BFSP1: variants seen among roughly 807,000 people sequenced by gnomAD.
BFSP1 encodes beaded filament structural protein 1.
BFSP1 carries 38 observed loss-of-function variants against 43.9 expected under a neutral mutation model. The observed-to-expected ratio is 0.87, with a 90% CI of 0.67 to 1.14. BFSP1 has a LOEUF of 1.14. Among genes scored for constraint, BFSP1 ranks in the 50% most tolerant of loss-of-function variants. The pLI is 0.00. For synonymous variants in BFSP1, 352 were observed against 354.8 expected, an observed-to-expected ratio of 0.99 and a Z score of 0.09; for missense variants, 850 against 875.1, an observed-to-expected ratio of 0.97 and a Z score of 0.36.
chr20:17,509,329 A>AGGG lies in BFSP1; in HGVS notation c.628-334_628-333insCCC, dbSNP rs2034021161. Among the ~76,000 whole-genome samples the AGGG allele has an allele frequency of 2.0e-5, 3 of 150,458 alleles. No homozygotes were observed. In the South Asian group the frequency reaches 6.3e-4, roughly 32 times the overall value. ...AAGCCAGAAAGAGAGCCCTCACCAGACACCAATTCTGCTGGCATCTTGATC... is the reference window on the plus strand; with the variant it reads ...AAGCCAGAAAGAGAGCCCTCACCAGAGGGCACCAATTCTGCTGGCATCTTGATC... On this transcript the variant is annotated intron_variant, in intron 4 of 7. Coordinates refer to ENST00000377873, the MANE Select transcript of BFSP1 (RefSeq NM_001195.5).
At chr20:17,558,636 G>C (rs1341672527) in intron 1 of BFSP1, 5 of 1,537,934 alleles carry the variant, frequency 3.3e-6, no homozygotes, top group Non-Finnish European at 4.4e-6. Flanking sequence ...AAAGCAAAAA[G>C]AAAAAATGCT....
chr20:17,511,110 C>T (rs977235062), intron 4 of BFSP1, among the ~76,000 whole-genome samples: 5 of 117,734 alleles, frequency 4.2e-5, no homozygotes, highest in Admixed American at 2.5e-4. Context: ...CCTCACTCAG[C>T]ACCAGTCTAT....
chr20:17,498,003 C>T (rs1475634278), intron 6 of BFSP1, among the ~76,000 whole-genome samples: 1 of 152,170 alleles, frequency 6.6e-6, no homozygotes, highest in East Asian at 1.9e-4. Context: ...GCCAGATACA[C>T]CGACCAGCAC....
At chr20:17,500,825 C>T (rs887944974) in intron 5 of BFSP1, among the ~76,000 whole-genome samples, 1 of 152,044 alleles carries the variant, frequency 6.6e-6, no homozygotes, top group Non-Finnish European at 1.5e-5. Context: ...AAGTAGAGGC[C>T]GAGATATCAT....
In BFSP1 at chr20:17,496,991, G is replaced by C; in HGVS notation, c.989C>G (p.Pro330Arg). ...LTSAFIETPIPLFTQSHGVSL... is the reference protein window; with the variant it reads ...LTSAFIETPIRLFTQSHGVSL... Reference sequence around the variant, plus strand: ...GACTCCATGGCTCTGGGTGAACAGGGGAATGGGAGTTTCAATGAAGGCAGA... The same window carrying C: ...GACTCCATGGCTCTGGGTGAACAGGCGAATGGGAGTTTCAATGAAGGCAGA... Residue 330 changes from proline to arginine, a missense_variant, in exon 7 of 8, where the codon CCC (proline) becomes CGC (arginine). Pro to Arg is a moderately radical substitution (Grantham distance 103). Transcript: ENST00000377873. 4.5e-6 allele frequency: 7 copies of C among 1,542,974 alleles called. No homozygotes were observed. The highest frequency in any genetic ancestry group is 6.1e-6 in the Non-Finnish European group (7 of 1,144,600).
chr20:17,517,838 C>T (rs1188391424), intron 2 of BFSP1, among the ~76,000 whole-genome samples: 1 of 152,168 alleles, frequency 6.6e-6, no homozygotes, highest in Non-Finnish European at 1.5e-5. Flanking sequence ...CCACATGCGG[C>T]TGGTGGCTGC....
intron 1 of BFSP1, among the ~76,000 whole-genome samples, chr20:17,545,283 G>GCTAC (rs2034781561): frequency 2.0e-5 from 3 of 152,214 alleles, no homozygotes; most frequent in Admixed American, 6.5e-5. Context: ...GCACAGGAGA[G>GCTAC]GTAGGGTATG....
chr20:17,526,254 C>T (rs1300214995), intron 1 of BFSP1, among the ~76,000 whole-genome samples: 1 of 139,724 alleles, frequency 7.2e-6, no homozygotes, highest in African/African-American at 3.0e-5. Flanking sequence ...TGTGAAATCA[C>T]CACCAACATC....
chr20:17,503,117 G>A (rs2033842477), intron 5 of BFSP1, among the ~76,000 whole-genome samples: 1 of 152,148 alleles, frequency 6.6e-6, no homozygotes, highest in South Asian at 2.1e-4. Context: ...TCCACATCCT[G>A]GGCTCAAGTG....
At chr20:17,550,319 T>G (rs2034874909) in intron 1 of BFSP1, among the ~76,000 whole-genome samples, 1 of 152,084 alleles carries the variant, frequency 6.6e-6, no homozygotes, top group African/African-American at 2.4e-5. Flanking sequence ...ATTTTTCTTA[T>G]ATAGGGTCTT....
intron 1 of BFSP1, among the ~76,000 whole-genome samples, chr20:17,539,206 G>A (rs1342281428): frequency 6.9e-6 from 1 of 145,846 alleles, no homozygotes; most frequent in Non-Finnish European, 1.5e-5. Context: ...AACCTCCTGG[G>A]CTCAAGCGAC....
In BFSP1 at chr20:17,494,763, T is replaced by A. The variant is rs2033589145; in HGVS notation, c.1309A>T (p.Ile437Leu). 6.2e-7 allele frequency: 1 copy of A among 1,614,206 alleles called. No homozygotes were observed. The highest frequency in any genetic ancestry group is 8.5e-7 in the Non-Finnish European group (1 of 1,180,032). Reference protein sequence around the residue: ...APEDVPDGGQISKGFGKLYRK... With the variant: ...APEDVPDGGQLSKGFGKLYRK... ...TATAGTTTCCCAAAGCCTTTGCTTA[T>A]CTGCCCTCCATCTGGCACATCCTCT... The change falls in exon 8 of 8, where the codon ATA (isoleucine) becomes TTA (leucine). Residue 437 changes from isoleucine (I) to leucine (L), a missense_variant. By Grantham distance (5) the Ile-to-Leu change is conservative. Coordinates refer to ENST00000377873, the MANE Select transcript of BFSP1 (RefSeq NM_001195.5).
intron 5 of BFSP1, among the ~76,000 whole-genome samples, chr20:17,508,663 G>A (rs971563047): frequency 6.6e-6 from 1 of 152,188 alleles, no homozygotes; most frequent in African/African-American, 2.4e-5. Context: ...AATGAGCGTG[G>A]CACCTGTGTC....
intron 5 of BFSP1, 67 bp from the exon 6 acceptor site, chr20:17,499,107 GA>G: frequency 2.1e-6 from 3 of 1,433,578 alleles, no homozygotes; most frequent in Non-Finnish European, 2.9e-6. Context: ...ACCTCACCAG[GA>G]AAAGGAACCT....
chr20:17,532,606 G>A (rs1004194123), upstream of BFSP1, among the ~76,000 whole-genome samples: 4 of 151,842 alleles, frequency 2.6e-5, no homozygotes, highest in African/African-American at 9.6e-5. Flanking sequence ...AGGATTTTGT[G>A]CCATTATGTT....
At chr20:17,566,310 G>C (rs1327754558) in intron 1 of BFSP1, among the ~76,000 whole-genome samples, 1 of 152,100 alleles carries the variant, frequency 6.6e-6, no homozygotes, top group Non-Finnish European at 1.5e-5. Context: ...CCTCGTTAAT[G>C]TATCATTTCT....
At chr20:17,522,461 C>T (rs1003335120) in intron 2 of BFSP1, among the ~76,000 whole-genome samples, 3 of 152,218 alleles carry the variant, frequency 2.0e-5, no homozygotes, top group African/African-American at 7.2e-5. Flanking sequence ...CCAAGGACCA[C>T]CTGCATCTTA....
At chr20:17,541,967 T>C (rs2034725624) in intron 1 of BFSP1, among the ~76,000 whole-genome samples, 1 of 151,968 alleles carries the variant, frequency 6.6e-6, no homozygotes, top group Admixed American at 6.6e-5. Flanking sequence ...GTAACCTGAG[T>C]TTTGGGGTGA....
At position 17,539,105 on chromosome 20, in the gene BFSP1, C is replaced by CTTCTTTTTT; in HGVS notation, c.3-14198_3-14197insAAAAAAGAA. 3.5e-3 allele frequency among the ~76,000 whole-genome samples: 222 copies of CTTCTTTTTT among 63,578 alleles called. 11 individuals carry two copies. The highest frequency in any genetic ancestry group is 0.012 in the Middle Eastern group (1 of 82). The allele number at this position is 63,578 out of a possible 152,430, so 41.7% of individuals were successfully genotyped here. On this transcript the variant is annotated intron_variant, in intron 1 of 7. Transcript: ENST00000377868. ...TGCATCCATGAATATATTTCTTCTTCTTTTTTTTTTTTTTTTTTTTTTTTT... is the reference window on the plus strand; with the variant it reads ...TGCATCCATGAATATATTTCTTCTTCTTCTTTTTTTTTTTTTTTTTTTTTTTTTTTTTTT...
Sources: gnomAD v4.1 joint callset for allele counts (sites outside exome capture counted in the v4.1 genomes callset) on GRCh38, gnomAD v4.1.1 for gene constraint, MANE v1.5 for transcripts, NCBI Gene and HGNC (gene_info 2026-07-23, HGNC 2026-07-21) for gene names.